NPIPB6: variants seen among roughly 807,000 people sequenced by gnomAD.
NPIPB6 encodes the protein nuclear pore complex-interacting protein family member B6.
NPIPB6 carries 2 observed loss-of-function variants against 20.0 expected under a neutral mutation model. That is an observed-to-expected ratio of 0.10 (90% CI 0.04 to 0.31). The LOEUF (loss-of-function observed/expected upper bound fraction) is 0.31. Ranked by LOEUF, NPIPB6 falls within the 10% of genes least tolerant of loss-of-function variation. The probability of loss-of-function intolerance (pLI) is 1.00; values close to 1 mark genes in which losing one functional copy is unlikely to be tolerated. For missense variants in NPIPB6, 96 were observed against 293.7 expected, an observed-to-expected ratio of 0.33 and a Z score of 4.92; for synonymous variants, 35 against 116.3, an observed-to-expected ratio of 0.30 and a Z score of 4.50.
intron 1 of NPIPB6, among the ~76,000 whole-genome samples, chr16:28,354,223 A>G (rs1246552730): frequency 1.0e-4 from 9 of 87,530 alleles, no homozygotes; most frequent in South Asian, 3.3e-4. Flanking sequence ...GCATGATCTC[A>G]GCTCACTGCA....
intron 4 of NPIPB6, among the ~76,000 whole-genome samples, chr16:28,345,484 GACA>G (rs1346913094): frequency 3.0e-5 from 2 of 67,288 alleles, no homozygotes; most frequent in Non-Finnish European, 6.3e-5. Context: ...TCCTAAGGAT[GACA>G]ACAACTCACC....
At chr16:28,361,877 A>G (rs1446664266) in intron 1 of NPIPB6, among the ~76,000 whole-genome samples, 2 of 150,960 alleles carry the variant, frequency 1.3e-5, no homozygotes, top group African/African-American at 2.4e-5. Context: ...TAATTTAATT[A>G]TTACTATTGG....
intron 1 of NPIPB6, among the ~76,000 whole-genome samples, chr16:28,362,168 G>A (rs2045457927): frequency 1.3e-5 from 2 of 149,736 alleles, no homozygotes; most frequent in Non-Finnish European, 1.5e-5. Flanking sequence ...CATGATCTCG[G>A]CCCACTAAAA....
In NPIPB6 at chr16:28,349,889, CAAAAAAAAAAA is replaced by C. The variant is rs1178858068; in HGVS notation, c.304-659_304-649del. Reference sequence around the variant, plus strand: ...GGGCAACAAAATTGAAACTCTGTCTCAAAAAAAAAAAAAAAAAAAAAAAAAGAGCCCAGGTG... The same window carrying C: ...GGGCAACAAAATTGAAACTCTGTCTCAAAAAAAAAAAAAAGAGCCCAGGTG... On this transcript the variant is annotated intron_variant, in intron 2 of 6. Transcript: ENST00000532254. Among the ~76,000 whole-genome samples, 7 of 16,888 alleles carry C rather than the reference CAAAAAAAAAAA, an allele frequency of 4.1e-4. 2 individuals are homozygous for C. Among genetic ancestry groups the C allele is most frequent in the Non-Finnish European group, 9.5e-4 (7 of 7,402 alleles). The allele number at this position is 16,888 out of a possible 152,430, so 11.1% of individuals were successfully genotyped here.
intron 1 of NPIPB6, among the ~76,000 whole-genome samples, chr16:28,362,172 A>T (rs1208610182): frequency 2.0e-5 from 3 of 148,418 alleles, no homozygotes; most frequent in Admixed American, 6.7e-5. Context: ...ATCTCGGCCC[A>T]CTAAAACCTC....
chr16:28,351,640 T>G, intron 2 of NPIPB6, among the ~76,000 whole-genome samples: 2 of 98,686 alleles, frequency 2.0e-5, no homozygotes, highest in African/African-American at 3.5e-5. Flanking sequence ...GGGAGACTCG[T>G]CTCGGGGGTG....
intron 4 of NPIPB6, among the ~76,000 whole-genome samples, chr16:28,348,406 C>T (rs1245188831): frequency 1.0e-5 from 1 of 98,990 alleles, no homozygotes; most frequent in African/African-American, 3.5e-5. Flanking sequence ...ATGGTGAAAC[C>T]CCATCTCTAG....
Position 28,349,563 on chromosome 16 carries a change from A to G in NPIPB6, c.304-322T>C, listed in dbSNP as rs534331650. Among the ~76,000 whole-genome samples the G allele has an allele frequency of 3.1e-4, 31 of 99,568 alleles. No individual in the cohort carries two copies. In the South Asian group the frequency reaches 8.4e-3, roughly 27 times the overall value. 65.3% of individuals were successfully genotyped at this position (99,568 alleles called of 152,430 possible). A position where few individuals can be genotyped will look rare whatever the true frequency, so the allele number is the denominator to read the frequency against. ...GAGACTCTGTCACACACACACACAC[A>G]CACACACACACACACACACACACAC... On this transcript the variant is annotated intron_variant, in intron 2 of 6. Coordinates refer to ENST00000532254, the Ensembl canonical transcript of NPIPB6.
chr16:28,362,726 A>C, exon 1 of NPIPB6: 1 of 1,581,368 alleles, frequency 6.3e-7, no homozygotes, highest in Admixed American at 1.7e-5. Flanking sequence ...TCGCATGGGC[A>C]TGTCACTGAC....
chr16:28,355,944 A>T (rs937391325), intron 1 of NPIPB6, among the ~76,000 whole-genome samples: 2 of 114,988 alleles, frequency 1.7e-5, no homozygotes, highest in African/African-American at 6.0e-5. Flanking sequence ...CAAGAGATGG[A>T]GACTATCCTG....
At chr16:28,349,429 G>A (rs1376171969) in intron 2 of NPIPB6, among the ~76,000 whole-genome samples, 188 bp from the exon 4 acceptor site, 2 of 82,512 alleles carry the variant, frequency 2.4e-5, no homozygotes, top group African/African-American at 8.0e-5. Flanking sequence ...GCGGGCGCCT[G>A]TAATCCAAGC....
chr16:28,350,108 A>G (rs1298334741), intron 2 of NPIPB6, among the ~76,000 whole-genome samples: 1 of 100,566 alleles, frequency 9.9e-6, no homozygotes, highest in Non-Finnish European at 2.2e-5. Context: ...GAGGCAGGAG[A>G]ACTGCTTGAA....
At chr16:28,349,725 C>G (rs1440811274) in intron 2 of NPIPB6, among the ~76,000 whole-genome samples, 2 of 108,484 alleles carry the variant, frequency 1.8e-5, no homozygotes, top group Admixed American at 2.1e-4. Flanking sequence ...GCTGTCTCTG[C>G]TAAAAATACA....
intron 4 of NPIPB6, among the ~76,000 whole-genome samples, chr16:28,347,913 C>G (rs1435050405): frequency 9.0e-6 from 1 of 110,924 alleles, no homozygotes; most frequent in Non-Finnish European, 2.1e-5. Flanking sequence ...AGTTCTAGAC[C>G]AGCTTGGCCA....
chr16:28,347,452 GA>G (rs1384085863), intron 4 of NPIPB6, among the ~76,000 whole-genome samples: 1 of 101,438 alleles, frequency 9.9e-6, no homozygotes, highest in African/African-American at 2.9e-5. Context: ...TGTAGGGACT[GA>G]GCCTGCACCG....
At chr16:28,348,034 T>C (rs2045125657) in intron 4 of NPIPB6, among the ~76,000 whole-genome samples, 1 of 116,208 alleles carries the variant, frequency 8.6e-6, no homozygotes. Context: ...CACTTGAACC[T>C]GGGAGGTGGA....
chr16:28,349,547 TCACACACACACACACACACA>T (rs71225064), intron 2 of NPIPB6, among the ~76,000 whole-genome samples: 27 of 57,632 alleles, frequency 4.7e-4, no homozygotes, highest in African/African-American at 1.6e-3. Flanking sequence ...TGAGACTCTG[TCACACACACACACACACACA>T]CACACACACA....
At chr16:28,355,939 G>C (rs1266901371) in intron 1 of NPIPB6, among the ~76,000 whole-genome samples, 1 of 115,996 alleles carries the variant, frequency 8.6e-6, no homozygotes, top group Middle Eastern at 3.9e-3. Context: ...GAGGTCAAGA[G>C]ATGGAGACTA....
intron 1 of NPIPB6, chr16:28,356,595 GC>G (rs2045325003): frequency 3.2e-6 from 1 of 312,390 alleles, no homozygotes. Flanking sequence ...CAAAAGCGCA[GC>G]CGCATGTCAT....
Sources: allele counts gnomAD v4.1 joint callset (sites outside exome capture counted in the v4.1 genomes callset), GRCh38; gene constraint gnomAD v4.1.1; transcripts MANE v1.5; gene names NCBI Gene and HGNC (gene_info 2026-07-23, HGNC 2026-07-21).